The following RGS6 variants were observed in gnomAD, a reference collection of about 807,000 sequenced individuals.
The protein encoded by RGS6 is regulator of G-protein signaling 6.
RGS6 carries 30 observed loss-of-function variants against 78.5 expected under a neutral mutation model. That is an observed-to-expected ratio of 0.38 (90% CI 0.29 to 0.52). The LOEUF is 0.52. Among genes scored for constraint, RGS6 ranks in the 20% least tolerant of loss-of-function variants. The probability of loss-of-function intolerance (pLI) is 0.85; values close to 1 mark genes in which losing one functional copy is unlikely to be tolerated. For missense variants in RGS6, 495 were observed against 609.7 expected (o/e 0.81, Z 1.98); for synonymous variants, 206 against 206.0 (o/e 1.00, Z 0.00).
At chr14:72,369,206 G>A (rs2082981418) in intron 3 of RGS6, among the ~76,000 whole-genome samples, 1 of 152,186 alleles carries the variant, frequency 6.6e-6, no homozygotes, top group Non-Finnish European at 1.5e-5. Context: ...ACAATGACAT[G>A]TATCCTTACA....
intron 2 of RGS6, among the ~76,000 whole-genome samples, chr14:72,189,555 A>G (rs1450235653): frequency 6.6e-6 from 1 of 152,172 alleles, no homozygotes; most frequent in East Asian, 1.9e-4. Context: ...CACTCATTGA[A>G]ATAAGAGGGC....
At chr14:72,624,407 C>T in the RGS6 span, among the ~76,000 whole-genome samples, 1 of 139,326 alleles carries the variant, frequency 7.2e-6, no homozygotes, top group Non-Finnish European at 1.5e-5. Flanking sequence ...GGTGCCATCT[C>T]GGCTCACTGC....
chr14:72,400,673 C>T (rs958636988), intron 3 of RGS6, among the ~76,000 whole-genome samples: 1 of 152,310 alleles, frequency 6.6e-6, no homozygotes. Context: ...TATTTGAATT[C>T]TTTCTATGCA....
intron 1 of RGS6, among the ~76,000 whole-genome samples, chr14:71,962,350 C>T (rs1463799502): frequency 3.9e-5 from 6 of 152,102 alleles, no homozygotes; most frequent in African/African-American, 1.4e-4. Context: ...TCATTTCTAA[C>T]CTTGCTATTA....
chr14:72,248,222 TC>T (rs1421482077), intron 2 of RGS6, among the ~76,000 whole-genome samples: 1 of 152,196 alleles, frequency 6.6e-6, no homozygotes, highest in African/African-American at 2.4e-5. Flanking sequence ...CAAGGCATTT[TC>T]CAGATACTAT....
chr14:72,540,290 AGCAAGCG>A, intron 17 of RGS6, 196 bp downstream of exon 17: 2 of 1,511,232 alleles, frequency 1.3e-6, no homozygotes, highest in Non-Finnish European at 1.7e-6. Flanking sequence ...TGCAAAAAAG[AGCAAGCG>A]GCTCCCTCTG....
intron 2 of RGS6, among the ~76,000 whole-genome samples, chr14:72,332,771 G>A (rs777841458): frequency 1.6e-4 from 24 of 152,186 alleles, no homozygotes; most frequent in Non-Finnish European, 2.9e-4. Context: ...AGAGATGGAG[G>A]CATCTGGGGA....
the RGS6 span, among the ~76,000 whole-genome samples, chr14:72,578,282 C>T: frequency 6.6e-6 from 1 of 152,168 alleles, no homozygotes; most frequent in Non-Finnish European, 1.5e-5. Context: ...ACATGCCTCC[C>T]TTGATGGCAC....
chr14:72,047,496 A>C (rs907246921), intron 2 of RGS6, among the ~76,000 whole-genome samples: 1 of 152,186 alleles, frequency 6.6e-6, no homozygotes, highest in Non-Finnish European at 1.5e-5. Context: ...CATCATACAG[A>C]CATACTTTGT....
chr14:72,042,406 G>A (rs2092498060), intron 2 of RGS6, among the ~76,000 whole-genome samples: 1 of 151,862 alleles, frequency 6.6e-6, no homozygotes, highest in African/African-American at 2.4e-5. Context: ...TGGGATTATG[G>A]GCATGAGCCA....
the RGS6 span, among the ~76,000 whole-genome samples, chr14:72,590,715 C>T: frequency 3.3e-5 from 5 of 152,092 alleles, no homozygotes; most frequent in East Asian, 3.8e-4. Context: ...ATTTGCGAGG[C>T]GGGGAGAGGA....
intron 2 of RGS6, among the ~76,000 whole-genome samples, chr14:72,041,372 T>C (rs577985850): frequency 6.6e-6 from 1 of 152,236 alleles, no homozygotes; most frequent in Non-Finnish European, 1.5e-5. Flanking sequence ...TTGTGTTCTC[T>C]TGCTTTCTCT....
intron 13 of RGS6, among the ~76,000 whole-genome samples, chr14:72,500,741 G>A (rs2096713149): frequency 6.6e-6 from 1 of 152,176 alleles, no homozygotes; most frequent in Non-Finnish European, 1.5e-5. Flanking sequence ...CTGAGAAAAC[G>A]AGACAAATGT....
intron 3 of RGS6, among the ~76,000 whole-genome samples, chr14:72,395,733 C>CCATGTGTT (rs1290864174): frequency 6.6e-6 from 1 of 151,756 alleles, no homozygotes; most frequent in Non-Finnish European, 1.5e-5. Context: ...CGTCCTGTGT[C>CCATGTGTT]CATGTGTTCT....
At chr14:72,534,134 G>C (rs1171561816) in intron 15 of RGS6, among the ~76,000 whole-genome samples, 1 of 152,144 alleles carries the variant, frequency 6.6e-6, no homozygotes, top group African/African-American at 2.4e-5. Context: ...CTCGGCCTTC[G>C]GCAATCACCA....
chr14:72,143,929 A>G (rs755563551), intron 2 of RGS6, among the ~76,000 whole-genome samples: 35 of 152,242 alleles, frequency 2.3e-4, no homozygotes, highest in Non-Finnish European at 4.3e-4. Context: ...TCAAATTAGT[A>G]AGAGATATGT....
chr14:72,432,567 G>T (rs1042558965), intron 3 of RGS6, among the ~76,000 whole-genome samples: 12 of 152,200 alleles, frequency 7.9e-5, no homozygotes, highest in Non-Finnish European at 1.5e-4. Context: ...TCCTTAATCA[G>T]AAAGCAATGT....
chr14:72,490,892 T>C (rs569228756), intron 12 of RGS6, among the ~76,000 whole-genome samples: 2 of 152,230 alleles, frequency 1.3e-5, no homozygotes, highest in Admixed American at 1.3e-4. Flanking sequence ...CAAACTTGGA[T>C]GTGCATATGA....
At chr14:72,220,987 C>G (rs1032278902) in intron 2 of RGS6, among the ~76,000 whole-genome samples, 1 of 152,116 alleles carries the variant, frequency 6.6e-6, no homozygotes, top group African/African-American at 2.4e-5. Flanking sequence ...CAGCAGCAGC[C>G]CTTATCCTCT....
Sources: allele counts gnomAD v4.1 joint callset (sites outside exome capture counted in the v4.1 genomes callset), GRCh38; gene constraint gnomAD v4.1.1; transcripts MANE v1.5; gene names NCBI Gene and HGNC (gene_info 2026-07-23, HGNC 2026-07-21).